The following ACSF3 variants were observed in gnomAD, a reference collection of about 807,000 sequenced individuals.
ACSF3 encodes the protein acyl-CoA synthetase family member 3.
ACSF3 carries 78 observed loss-of-function variants against 53.2 expected under a neutral mutation model. The observed-to-expected ratio is 1.47, with a 90% confidence interval of 1.22 to 1.77. ACSF3 has a LOEUF of 1.77. Ranked by LOEUF, ACSF3 falls within the 40% of genes most tolerant of loss-of-function variation. The pLI, the probability that ACSF3 is intolerant of heterozygous loss-of-function variation, is 0.00. For synonymous variants in ACSF3, 414 were observed against 333.1 expected, an observed-to-expected ratio of 1.24 and a Z score of -2.65; for missense variants, 937 against 771.1, an observed-to-expected ratio of 1.22 and a Z score of -2.55.
chr16:89,131,080 A>G (rs920152829), intron 7 of ACSF3, among the ~76,000 whole-genome samples: 1 of 106,152 alleles, frequency 9.4e-6, no homozygotes, highest in South Asian at 3.0e-4. Flanking sequence ...CTGTTTTTCC[A>G]TTTATTTCCA....
At chr16:89,103,928 G>C (rs796441552) in intron 4 of ACSF3, among the ~76,000 whole-genome samples, 26 of 152,372 alleles carry the variant, frequency 1.7e-4, no homozygotes, top group African/African-American at 6.0e-4. Flanking sequence ...GGCAGATCAG[G>C]GATGCTGCTT....
In ACSF3 at chr16:89,102,657, C is replaced by G. The variant is rs778493922; in HGVS notation, c.720C>G (p.His240Gln). The G allele has an allele frequency of 6.8e-6, 11 of 1,613,794 alleles. No individual in the cohort carries two copies. Among genetic ancestry groups the G allele is most frequent in the Non-Finnish European group, 9.3e-6 (11 of 1,180,028 alleles). ...WAWTKDDVILHVLPLHHVHGV... is the reference protein window; with the variant it reads ...WAWTKDDVILQVLPLHHVHGV... The stretch of plus-strand genomic sequence containing the variant: ...GGACCAAAGACGACGTGATCCTCCA[C>G]GTGCTCCCGCTGCACCACGTCCATG... The change falls in exon 4 of 11, where the codon CAC becomes CAG. Residue 240 changes from histidine to glutamine, a missense_variant. Physicochemically the swap from His to Gln is conservative, Grantham distance 24. Coordinates refer to ENST00000614302, the MANE Select transcript of ACSF3 (RefSeq NM_001243279.3).
chr16:89,142,666 C>T (rs1470051885), intron 8 of ACSF3, among the ~76,000 whole-genome samples: 1 of 151,534 alleles, frequency 6.6e-6, no homozygotes, highest in Admixed American at 6.6e-5. Context: ...CAGACAGAGC[C>T]ACACCTGCAG....
intron 8 of ACSF3, among the ~76,000 whole-genome samples, chr16:89,142,285 T>C (rs1911916405): frequency 6.6e-6 from 1 of 151,990 alleles, no homozygotes; most frequent in Non-Finnish European, 1.5e-5. Flanking sequence ...AAGAAGCATC[T>C]CGGGGCAGAG....
intron 1 of ACSF3, chr16:89,095,314 C>A (rs1395955906): frequency 6.6e-6 from 1 of 152,160 alleles, no homozygotes; most frequent in Non-Finnish European, 1.5e-5. Flanking sequence ...GTAAGTGTCA[C>A]CTTTCCAGAT....
intron 10 of ACSF3, chr16:89,150,832 G>A: frequency 2.1e-6 from 1 of 469,976 alleles, no homozygotes; most frequent in South Asian, 2.0e-5. Flanking sequence ...CCTGCTTGCT[G>A]TGCCCGGCTC....
intron 8 of ACSF3, 134 bp from the exon 9 acceptor site, chr16:89,145,133 G>T: frequency 6.2e-7 from 1 of 1,604,812 alleles, no homozygotes; most frequent in Non-Finnish European, 8.5e-7. Flanking sequence ...GTTGCCACAG[G>T]GTAGTAACCA....
At chr16:89,094,846 G>T (rs1974426139) in intron 1 of ACSF3, among the ~76,000 whole-genome samples, 1 of 152,234 alleles carries the variant, frequency 6.6e-6, no homozygotes, top group Admixed American at 6.5e-5. Flanking sequence ...AGTGAGCCAT[G>T]ACAGCACCAT....
rs887443114 is a variant in ACSF3 at position 89,112,396 on chromosome 16, CT to C, written c.977+151del. 32 of 1,005,972 alleles carry C rather than the reference CT, an allele frequency of 3.2e-5. No individual in the cohort carries two copies. The African/African-American group carries it at 5.1e-4, about 16-fold the overall frequency. 62.3% of individuals were successfully genotyped at this position (1,005,972 alleles called of 1,614,324 possible). A position where few individuals can be genotyped will look rare whatever the true frequency, so the allele number is the denominator to read the frequency against. On this transcript the variant is annotated intron_variant, in intron 5 of 10. Coordinates refer to ENST00000614302, the MANE Select transcript of ACSF3 (RefSeq NM_001243279.3). ...CCTCTCTCTCTACCCGTCTCCGTCT[CT>C]ACCTCTCTAACTGTCTCTCTCTCTC...
chr16:89,104,430 T>G (rs1975727888), intron 4 of ACSF3, among the ~76,000 whole-genome samples: 1 of 152,196 alleles, frequency 6.6e-6, no homozygotes, highest in African/African-American at 2.4e-5. Context: ...CAGCCACCAG[T>G]GGCCGGCCCC....
chr16:89,104,504 G>A (rs1975735780), intron 4 of ACSF3, among the ~76,000 whole-genome samples: 1 of 152,236 alleles, frequency 6.6e-6, no homozygotes, highest in Non-Finnish European at 1.5e-5. Flanking sequence ...CGAAGGCTGT[G>A]TGGAGCTCTG....
At chr16:89,138,512 G>A (rs1241512299) in intron 8 of ACSF3, among the ~76,000 whole-genome samples, 1 of 152,242 alleles carries the variant, frequency 6.6e-6, no homozygotes, top group South Asian at 2.1e-4. Flanking sequence ...CGATCGCGGG[G>A]ATGACAGGTG....
chr16:89,147,434 T>C (rs1419245011), intron 10 of ACSF3: 1 of 19,286 alleles, frequency 5.2e-5, no homozygotes, highest in African/African-American at 2.3e-4. Context: ...ACAGAGTGAG[T>C]GAGGGAGGAG....
At chr16:89,115,438 TGCTTCCGCCCG>T (rs1419728616) in intron 6 of ACSF3, among the ~76,000 whole-genome samples, 6 of 152,360 alleles carry the variant, frequency 3.9e-5, no homozygotes, top group Admixed American at 6.5e-5. Flanking sequence ...TGAGCCTGTC[TGCTTCCGCCCG>T]GCTTCCGCCC....
rs1156341271 is a variant in ACSF3, at chr16:89,114,451, C to T, written c.1090C>T (p.Leu364=). ...RYGMTEIGMA[L]SGPLTTAVRL... ...TGGCATGACCGAGATCGGCATGGCT[C>T]TGTCCGGGCCCCTGACCACTGCCGT... Residue 364 remains leucine, a synonymous_variant, in exon 6 of 11, where the codon CTG becomes TTG. Coordinates refer to ENST00000614302, the MANE Select transcript of ACSF3 (RefSeq NM_001243279.3). The T allele has an allele frequency of 1.9e-6, 3 of 1,613,342 alleles. No individual in the cohort carries two copies. The highest frequency in any genetic ancestry group is 2.5e-6 in the Non-Finnish European group (3 of 1,180,018).
intron 7 of ACSF3, among the ~76,000 whole-genome samples, chr16:89,129,085 T>C (rs1378433169): frequency 6.6e-6 from 1 of 152,196 alleles, no homozygotes; most frequent in Admixed American, 6.5e-5. Flanking sequence ...TGAGCTGTGA[T>C]GATGCCACCG....
intron 6 of ACSF3, among the ~76,000 whole-genome samples, chr16:89,118,156 C>T (rs969844134): frequency 2.0e-5 from 3 of 147,996 alleles, no homozygotes; most frequent in African/African-American, 7.5e-5. Flanking sequence ...TTCTCTAAGG[C>T]AGAGCCTGAC....
rs199783009 is a variant in ACSF3 at position 89,154,217 on chromosome 16, C to T, written c.*10C>T. On this transcript the variant is annotated 3_prime_UTR_variant, in exon 11 of 11. Coordinates refer to ENST00000614302, the MANE Select transcript of ACSF3 (RefSeq NM_001243279.3). Reference sequence around the variant, plus strand: ...CTTCCACCCCTCATGACCCGGCAGACTGGGACTGCGGGTCTGGTGGGGAGC... The same window carrying T: ...CTTCCACCCCTCATGACCCGGCAGATTGGGACTGCGGGTCTGGTGGGGAGC... 58 of 1,612,526 alleles carry T rather than the reference C, an allele frequency of 3.6e-5. No individual in the cohort carries two copies. The East Asian group carries it at 1.0e-3, about 29-fold the overall frequency.
At chr16:89,103,098 T>C (rs1441167630) in intron 4 of ACSF3, among the ~76,000 whole-genome samples, 1 of 152,250 alleles carries the variant, frequency 6.6e-6, no homozygotes, top group Non-Finnish European at 1.5e-5. Context: ...AATCAAGTTA[T>C]GTGAAAGTGC....
Sources: allele counts gnomAD v4.1 joint callset (sites outside exome capture counted in the v4.1 genomes callset), GRCh38; gene constraint gnomAD v4.1.1; transcripts MANE v1.5; gene names NCBI Gene and HGNC (gene_info 2026-07-23, HGNC 2026-07-21).